ABCA12: variants seen among roughly 807,000 people sequenced by gnomAD.
ABCA12 encodes ATP binding cassette subfamily A member 12.
A neutral mutation model predicts 293.5 loss-of-function variants in ABCA12; 156 were observed. That is an observed-to-expected ratio of 0.53 (90% confidence interval 0.47 to 0.61). ABCA12 has a LOEUF of 0.61. ABCA12 is among the 20% of genes least tolerant of loss of function. The pLI is 0.00. For missense variants in ABCA12, 2,797 were observed against 3,090.2 expected, an observed-to-expected ratio of 0.91 and a Z score of 2.25; for synonymous variants, 1,063 against 1,108.0, an observed-to-expected ratio of 0.96 and a Z score of 0.81.
At chr2:215,129,968 A>G (rs969582748) in intron 1 of ABCA12, among the ~76,000 whole-genome samples, 1 of 152,188 alleles carries the variant, frequency 6.6e-6, no homozygotes, top group Non-Finnish European at 1.5e-5. Context: ...ACCCAGCACC[A>G]TTTATTGAAT....
Position 214,959,034 on chromosome 2 carries a change from C to A in ABCA12, c.5929G>T (p.Glu1977Ter). Residue 1977 changes from glutamate to a stop codon, truncating the protein, a stop_gained, in exon 40 of 53, where the codon GAA (glutamate) becomes TAA (stop). Coordinates refer to ENST00000272895, the MANE Select transcript of ABCA12 (RefSeq NM_173076.3). LOFTEE classifies it high-confidence loss of function. The stretch of plus-strand genomic sequence containing the variant: ...GAGATATCTGCTTACGTGGCTTGTT[C>A]TTGGTCTTGCACTCCTGGATAAGGA... ...SHPYPGVQDQ[E>*]QATISSLIDI... 1 of 1,613,804 alleles carries A rather than the reference C, an allele frequency of 6.2e-7. No homozygotes were observed. The highest frequency in any genetic ancestry group is 8.5e-7 in the Non-Finnish European group (1 of 1,179,762).
Position 215,053,940 on chromosome 2 carries a change from C to T in ABCA12, c.409+633G>A, listed in dbSNP as rs887362157. Reference sequence around the variant, plus strand: ...CAAGTCCACTTGCAACTGAATCACTCGCACCTAAGGCTCAGAAACGCATGT... The same window carrying T: ...CAAGTCCACTTGCAACTGAATCACTTGCACCTAAGGCTCAGAAACGCATGT... On this transcript the variant is annotated intron_variant, in intron 4 of 52. Transcript: ENST00000272895. 2.4e-4 allele frequency among the ~76,000 whole-genome samples: 37 copies of T among 151,992 alleles called. 1 individual carries two copies. Among genetic ancestry groups the T allele is most frequent in the African/African-American group, 8.0e-4 (33 of 41,386 alleles).
chr2:214,989,193 T>TATATATATATAC (rs1449653292), intron 26 of ABCA12, 136 bp downstream of exon 26: 10 of 127,510 alleles, frequency 7.8e-5, no homozygotes, highest in African/African-American at 3.1e-4. Context: ...CATACATATA[T>TATATATATATAC]ATATATATAT....
Position 215,074,956 on chromosome 2 carries a change from A to AAAAT in ABCA12, c.164-10741_164-10738dup, listed in dbSNP as rs562224081. On this transcript the variant is annotated intron_variant, in intron 2 of 52. Transcript: ENST00000272895. ...GACTCTGTCTCAAAAAATAAAAATA[A>AAAAT]AAATAAATAAATAAATAAATAAATG... 5.2e-3 allele frequency among the ~76,000 whole-genome samples: 789 copies of AAAAT among 152,088 alleles called. 1 individual carries two copies. Among genetic ancestry groups the AAAAT allele is most frequent in the African/African-American group, 7.2e-3 (299 of 41,504 alleles).
chr2:214,971,672 A>G (rs1396761819), intron 36 of ABCA12, among the ~76,000 whole-genome samples: 1 of 152,232 alleles, frequency 6.6e-6, no homozygotes. Context: ...TGGTCGATCA[A>G]TCATTCTCAT....
Position 215,004,059 on chromosome 2 carries a change from G to C in ABCA12, c.2683+150C>G, listed in dbSNP as rs1700201198. The C allele has an allele frequency of 9.3e-6, 6 of 643,500 alleles. No individual in the cohort carries two copies. The South Asian group carries it at 1.1e-4, about 12-fold the overall frequency. 39.9% of individuals were successfully genotyped at this position (643,500 alleles called of 1,614,324 possible). On this transcript the variant is annotated intron_variant, in intron 20 of 52. Transcript: ENST00000272895. ...GTACAACTAACTGGGAAGAAGATAG[G>C]GGGGATATATCCAGGGTCTCATTTT...
At chr2:215,126,389 T>C (rs1381280782) in intron 1 of ABCA12, among the ~76,000 whole-genome samples, 1 of 152,204 alleles carries the variant, frequency 6.6e-6, no homozygotes, top group Non-Finnish European at 1.5e-5. Flanking sequence ...AATTCTTCTT[T>C]GAATTTGTGG....
intron 2 of ABCA12, among the ~76,000 whole-genome samples, chr2:215,073,151 G>A (rs1220421247): frequency 2.0e-5 from 3 of 152,128 alleles, no homozygotes; most frequent in East Asian, 1.9e-4. Context: ...CGGCTCATCT[G>A]GGGTGAGTAG....
chr2:215,076,059 C>T (rs939155836), intron 2 of ABCA12, among the ~76,000 whole-genome samples: 6 of 152,200 alleles, frequency 3.9e-5, no homozygotes, highest in African/African-American at 1.4e-4. Context: ...GACAGCCCAC[C>T]AGTGGAAAAT....
At chr2:214,933,240 T>C (rs1698116217) in intron 52 of ABCA12, among the ~76,000 whole-genome samples, 1 of 152,232 alleles carries the variant, frequency 6.6e-6, no homozygotes, top group African/African-American at 2.4e-5. Context: ...CAGGCAGATC[T>C]TTTCACTTTG....
intron 2 of ABCA12, among the ~76,000 whole-genome samples, chr2:215,092,691 A>C (rs560043863): frequency 6.6e-6 from 1 of 152,282 alleles, no homozygotes; most frequent in Non-Finnish European, 1.5e-5. Context: ...CCTGTCCAAA[A>C]ACTGGACAAG....
At chr2:215,121,441 C>A (rs141691089) in intron 1 of ABCA12, among the ~76,000 whole-genome samples, 60 of 152,072 alleles carry the variant, frequency 3.9e-4, no homozygotes, top group African/African-American at 1.4e-3. Flanking sequence ...TATTTATTTC[C>A]TTTAGCATTG....
At position 215,080,032 on chromosome 2, in the gene ABCA12, C is replaced by T. The variant is rs369531268; in HGVS notation, c.164-15813G>A. On this transcript the variant is annotated intron_variant, in intron 2 of 52. Coordinates refer to ENST00000272895, the MANE Select transcript of ABCA12 (RefSeq NM_173076.3). Reference sequence around the variant, plus strand: ...AACAACTCGGCTAGTTGGGGATTTTCTTTCTGCTATATACGGTAATTAGAG... The same window carrying T: ...AACAACTCGGCTAGTTGGGGATTTTTTTTCTGCTATATACGGTAATTAGAG... 3.0e-4 allele frequency among the ~76,000 whole-genome samples: 45 copies of T among 152,220 alleles called. 2 individuals carry two copies. Among genetic ancestry groups the T allele is most frequent in the African/African-American group, 1.0e-3 (43 of 41,542 alleles).
chr2:215,131,699 ATTGTTT>A (rs1703059837), intron 1 of ABCA12, among the ~76,000 whole-genome samples: 3 of 38,654 alleles, frequency 7.8e-5, no homozygotes, highest in African/African-American at 3.0e-4. Context: ...GATCCTTTCT[ATTGTTT>A]TTTTTTTTTT....
chr2:214,951,288 T>C (rs1051638022), intron 44 of ABCA12, among the ~76,000 whole-genome samples: 3 of 152,224 alleles, frequency 2.0e-5, no homozygotes, highest in African/African-American at 7.2e-5. Flanking sequence ...GAAACAGCTT[T>C]TGTTCTCCAT....
chr2:215,111,720 G>A, intron 1 of ABCA12, 30 bp from the exon 2 acceptor site: 1 of 1,549,246 alleles, frequency 6.5e-7, no homozygotes, highest in Non-Finnish European at 8.9e-7. Context: ...AAAATTGTTA[G>A]TTTTATTGTT....
intron 11 of ABCA12, among the ~76,000 whole-genome samples, chr2:215,024,790 A>C (rs1227976408): frequency 2.0e-5 from 3 of 152,166 alleles, no homozygotes; most frequent in Admixed American, 6.5e-5. Context: ...TTAAATAGCT[A>C]TTCTTTCTAG....
intron 14 of ABCA12, among the ~76,000 whole-genome samples, chr2:215,017,159 A>C (rs1700523065): frequency 6.6e-6 from 1 of 152,232 alleles, no homozygotes; most frequent in African/African-American, 2.4e-5. Flanking sequence ...GGGGAACCTT[A>C]AAGGCTTTTT....
chr2:215,031,422 A>G (rs904229218), intron 9 of ABCA12, among the ~76,000 whole-genome samples: 1 of 152,202 alleles, frequency 6.6e-6, no homozygotes, highest in Non-Finnish European at 1.5e-5. Context: ...CTTGTTTATA[A>G]GCTGGTCAGA....
Sources: allele counts gnomAD v4.1 joint callset (sites outside exome capture counted in the v4.1 genomes callset), GRCh38; gene constraint gnomAD v4.1.1; transcripts MANE v1.5; gene names NCBI Gene and HGNC (gene_info 2026-07-23, HGNC 2026-07-21).